ABLIM1: variants seen among roughly 807,000 people sequenced by gnomAD.
The protein encoded by ABLIM1 is actin-binding LIM protein 1.
ABLIM1 carries 40 observed loss-of-function variants against 107.0 expected under a neutral mutation model. The observed-to-expected ratio is 0.37, with a 90% CI of 0.29 to 0.49. The LOEUF is 0.49. Ranked by LOEUF, ABLIM1 falls within the 20% of genes least tolerant of loss-of-function variation. ABLIM1 has a pLI of 0.97. For synonymous variants in ABLIM1, 357 were observed against 357.3 expected, an observed-to-expected ratio of 1.00 and a Z score of 0.01; for missense variants, 857 against 1,008.5, an observed-to-expected ratio of 0.85 and a Z score of 2.04.
the ABLIM1 span, among the ~76,000 whole-genome samples, chr10:114,792,419 T>C: frequency 6.6e-6 from 1 of 152,220 alleles, no homozygotes; most frequent in African/African-American, 2.4e-5. Flanking sequence ...TATTTCCTTC[T>C]TGATTATTTA....
chr10:114,501,835 C>T (rs990726885), intron 6 of ABLIM1, among the ~76,000 whole-genome samples: 1 of 152,192 alleles, frequency 6.6e-6, no homozygotes, highest in Admixed American at 6.5e-5. Context: ...TACATTGATA[C>T]ATCATTATCA....
intron 1 of ABLIM1, among the ~76,000 whole-genome samples, chr10:114,763,327 T>C (rs531120464): frequency 6.6e-6 from 1 of 152,102 alleles, no homozygotes; most frequent in African/African-American, 2.4e-5. Flanking sequence ...TTAAACATAC[T>C]GTATTAATTT....
intron 21 of ABLIM1, 25 bp from the exon 22 acceptor site, chr10:114,437,949 C>T: frequency 1.1e-5 from 17 of 1,593,076 alleles, no homozygotes; most frequent in Non-Finnish European, 1.5e-5. Context: ...AACACCTCTT[C>T]TAGAACACCA....
intron 6 of ABLIM1, among the ~76,000 whole-genome samples, chr10:114,515,988 AGT>A (rs1186006922): frequency 6.6e-6 from 1 of 152,202 alleles, no homozygotes; most frequent in African/African-American, 2.4e-5. Flanking sequence ...ACATCCAAGT[AGT>A]GGTGCTTTGT....
At chr10:114,595,899 T>C (rs2075369141) in intron 2 of ABLIM1, among the ~76,000 whole-genome samples, 2 of 152,198 alleles carry the variant, frequency 1.3e-5, no homozygotes, top group Non-Finnish European at 2.9e-5. Flanking sequence ...CAAATTCTTC[T>C]TCCCAACATA....
At chr10:114,595,921 C>G (rs756110817) in intron 2 of ABLIM1, among the ~76,000 whole-genome samples, 23 of 152,206 alleles carry the variant, frequency 1.5e-4, no homozygotes, top group Admixed American at 3.3e-4. Flanking sequence ...ACCACTATTT[C>G]AGAGCCCTAC....
At chr10:114,771,843 A>G (rs1745817239), upstream of ABLIM1, among the ~76,000 whole-genome samples, 1 of 152,238 alleles carries the variant, frequency 6.6e-6, no homozygotes, top group African/African-American at 2.4e-5. Flanking sequence ...TGTGTTTGAA[A>G]AAAAGAGGTT....
chr10:114,777,559 C>T, the ABLIM1 span, among the ~76,000 whole-genome samples: 1 of 152,176 alleles, frequency 6.6e-6, no homozygotes, highest in East Asian at 1.9e-4. Context: ...GGCAGGATGC[C>T]TCCTCCTAGT....
In ABLIM1 at chr10:114,566,786, C is replaced by A. The variant is rs186980953; in HGVS notation, c.673+4511G>T. On this transcript the variant is annotated intron_variant, in intron 4 of 22. Coordinates refer to ENST00000533213, the MANE Select transcript of ABLIM1 (RefSeq NM_002313.7). The stretch of plus-strand genomic sequence containing the variant: ...GATTTTGGCCGGGCATGGTGGCTCA[C>A]GCCTGTAATCCCAGCACTTTGGGAG... 6.6e-4 allele frequency among the ~76,000 whole-genome samples: 101 copies of A among 152,316 alleles called. 1 individual carries two copies. In the East Asian group the frequency reaches 0.01, roughly 15 times the overall value.
intron 1 of ABLIM1, among the ~76,000 whole-genome samples, chr10:114,622,485 G>A (rs1368448503): frequency 6.6e-6 from 1 of 152,014 alleles, no homozygotes; most frequent in Non-Finnish European, 1.5e-5. Flanking sequence ...GAGCTCAAGT[G>A]ATCTGCCTGC....
chr10:114,699,079 CTATTAATAAATTCATTT>C (rs2081254718), intron 1 of ABLIM1, among the ~76,000 whole-genome samples: 1 of 115,616 alleles, frequency 8.6e-6, no homozygotes, highest in South Asian at 2.9e-4. Context: ...CTTAGTAATG[CTATTAATAAATTCATTT>C]TGCTTAGCAA....
chr10:114,443,671 C>CT (rs1401367865), intron 17 of ABLIM1, among the ~76,000 whole-genome samples: 1 of 66,848 alleles, frequency 1.5e-5, no homozygotes, highest in African/African-American at 7.2e-5. Flanking sequence ...TTCATGTTAT[C>CT]TAAAAAAAAA....
At chr10:114,690,983 T>C (rs2081064828) in intron 1 of ABLIM1, among the ~76,000 whole-genome samples, 1 of 152,220 alleles carries the variant, frequency 6.6e-6, no homozygotes, top group African/African-American at 2.4e-5. Flanking sequence ...CGCCAGGCCC[T>C]GGCTAATATT....
At chr10:114,467,737 T>C (rs1309474373) in intron 11 of ABLIM1, among the ~76,000 whole-genome samples, 1 of 152,204 alleles carries the variant, frequency 6.6e-6, no homozygotes, top group African/African-American at 2.4e-5. Flanking sequence ...AGAAAGTTGC[T>C]TGGTTTTAGG....
rs575133820 is a variant in ABLIM1 at position 114,694,666 on chromosome 10, G to A, written c.-213+73395C>T. 2.6e-5 allele frequency among the ~76,000 whole-genome samples: 4 copies of A among 151,990 alleles called. No individual in the cohort carries two copies. In the South Asian group the frequency reaches 8.3e-4, roughly 32 times the overall value. On this transcript the variant is annotated intron_variant, in intron 1 of 15. Transcript: ENST00000651092. ...TTCCTGACAAATATTAGTCATTATT[G>A]TTATTATTCTTTAAACAAGAAAAAA... is the stretch of plus-strand genomic sequence containing the variant.
At chr10:114,503,058 A>C (rs1300774110) in intron 6 of ABLIM1, among the ~76,000 whole-genome samples, 4 of 152,186 alleles carry the variant, frequency 2.6e-5, no homozygotes, top group Non-Finnish European at 5.9e-5. Flanking sequence ...TATCCATGTT[A>C]GTGTGTGTAG....
upstream of ABLIM1, among the ~76,000 whole-genome samples, chr10:114,663,051 C>A (rs1239921710): frequency 6.6e-6 from 1 of 152,234 alleles, no homozygotes; most frequent in Non-Finnish European, 1.5e-5. Context: ...ACATCACAAT[C>A]CACCAGGCTG....
intron 2 of ABLIM1, among the ~76,000 whole-genome samples, chr10:114,594,127 A>G (rs2075181900): frequency 6.6e-6 from 1 of 152,208 alleles, no homozygotes; most frequent in Non-Finnish European, 1.5e-5. Flanking sequence ...GCAATAAACT[A>G]CTTCTATTTT....
intron 12 of ABLIM1, among the ~76,000 whole-genome samples, chr10:114,464,520 A>C (rs534750379): frequency 6.6e-6 from 1 of 152,244 alleles, no homozygotes; most frequent in Non-Finnish European, 1.5e-5. Context: ...CAAATGGACA[A>C]AGGCTTAAAT....
Sources: gnomAD v4.1 joint callset for allele counts (sites outside exome capture counted in the v4.1 genomes callset) on GRCh38, gnomAD v4.1.1 for gene constraint, MANE v1.5 for transcripts, NCBI Gene and HGNC (gene_info 2026-07-23, HGNC 2026-07-21) for gene names.